The following TCF20 variants were observed in gnomAD, a reference collection of about 807,000 sequenced individuals.
TCF20 encodes the protein transcription factor 20, also known as SPRE-binding protein.
Under a neutral mutation model 148.6 loss-of-function variants are expected in TCF20, and 3 were observed. The observed-to-expected ratio is 0.02, with a 90% CI of 0.01 to 0.05. The LOEUF (loss-of-function observed/expected upper bound fraction) is 0.05. TCF20 is among the 10% of genes least tolerant of loss of function. The pLI, the probability that TCF20 is intolerant of heterozygous loss-of-function variation, is 1.00. For missense variants in TCF20, 2,350 were observed against 2,429.3 expected (o/e 0.97, Z 0.69); for synonymous variants, 1,049 against 909.5 (o/e 1.15, Z -2.76).
chr22:42,299,652 C>T lies in TCF20; in HGVS notation c.-37+43827G>A, dbSNP rs1377482882. 6.6e-6 allele frequency among the ~76,000 whole-genome samples: 1 copy of T among 152,178 alleles called. No individual in the cohort carries two copies. The highest frequency in any genetic ancestry group is 1.5e-5 in the Non-Finnish European group (1 of 68,038). ...CTCTGTACCTCTCCCCGAACGCAGGCCCCCCTGCCCGCACCCCAACACTTC... is the reference window on the plus strand; with the variant it reads ...CTCTGTACCTCTCCCCGAACGCAGGTCCCCCTGCCCGCACCCCAACACTTC... On this transcript the variant is annotated intron_variant, in intron 1 of 1. Coordinates refer to the TCF20 transcript ENST00000515426. This position sits in a 1 kb window ranked among gnomAD's most constrained non-coding sequence, Gnocchi z 4.1.
chr22:42,168,592 C>T lies in TCF20; in HGVS notation c.*44+17G>A, dbSNP rs550071326. 1.5e-4 allele frequency: 232 copies of T among 1,548,218 alleles called. No homozygotes were observed. In the African/African-American group the frequency reaches 1.7e-3, roughly 11 times the overall value. On this transcript the variant is annotated intron_variant, in intron 5 of 5. Coordinates refer to ENST00000677622, the MANE Select transcript of TCF20 (RefSeq NM_001378418.1). The stretch of plus-strand genomic sequence containing the variant: ...GGAGCCGGGCAGGATGCAGGGAGCC[C>T]GGTGGCCCCGACTCACCTGTGCTTG...
At chr22:42,284,442 C>T (rs1330928078), upstream of TCF20, among the ~76,000 whole-genome samples, 1 of 152,148 alleles carries the variant, frequency 6.6e-6, no homozygotes, top group African/African-American at 2.4e-5. Flanking sequence ...GTGGTCGTCA[C>T]GAGGACCAGA....
At chr22:42,324,972 G>A (rs767820375) in intron 1 of TCF20, among the ~76,000 whole-genome samples, 3 of 152,236 alleles carry the variant, frequency 2.0e-5, no homozygotes, top group Non-Finnish European at 2.9e-5. Flanking sequence ...CCAAAACTGG[G>A]TTCTCCCCTT....
chr22:42,194,967 A>G (rs6002651), intron 2 of TCF20, among the ~76,000 whole-genome samples: 143 of 151,782 alleles, frequency 9.4e-4, no homozygotes, highest in African/African-American at 3.4e-3. Context: ...CTCACTGAAC[A>G]TAAGGTGGGG....
At chr22:42,332,378 G>A (rs1322519607) in intron 1 of TCF20, among the ~76,000 whole-genome samples, 6 of 152,156 alleles carry the variant, frequency 3.9e-5, no homozygotes, top group Non-Finnish European at 5.9e-5. Context: ...GCTGGAGCAG[G>A]AACAGCCAGG....
At chr22:42,282,932 G>A (rs1194786966) in intron 1 of TCF20, among the ~76,000 whole-genome samples, 1 of 152,224 alleles carries the variant, frequency 6.6e-6, no homozygotes, top group African/African-American at 2.4e-5. Context: ...CTCCCTCCGT[G>A]GGTCTGGGCC....
chr22:42,206,645 T>A (rs1938407526), intron 2 of TCF20, among the ~76,000 whole-genome samples: 1 of 152,022 alleles, frequency 6.6e-6, no homozygotes, highest in Non-Finnish European at 1.5e-5. Flanking sequence ...AAACTTGGAG[T>A]TTCACCGTGA....
intron 1 of TCF20, among the ~76,000 whole-genome samples, chr22:42,260,599 C>G (rs888486783): frequency 6.6e-6 from 1 of 152,102 alleles, no homozygotes; most frequent in Non-Finnish European, 1.5e-5. Context: ...ATACGCCCAC[C>G]TCAGCCTCCC....
intron 1 of TCF20, among the ~76,000 whole-genome samples, chr22:42,316,715 C>A (rs553378421): frequency 5.3e-5 from 8 of 152,214 alleles, no homozygotes; most frequent in African/African-American, 1.9e-4. Context: ...GGATTACACG[C>A]GTGAGCCACT....
chr22:42,175,243 C>A (rs947199481), intron 3 of TCF20, among the ~76,000 whole-genome samples: 2 of 152,146 alleles, frequency 1.3e-5, no homozygotes, highest in Non-Finnish European at 2.9e-5. Flanking sequence ...GTTATCCAGG[C>A]TGAACTTGAA....
upstream of TCF20, among the ~76,000 whole-genome samples, chr22:42,275,540 C>G (rs1298730046): frequency 6.6e-6 from 1 of 152,226 alleles, no homozygotes; most frequent in African/African-American, 2.4e-5. Flanking sequence ...TTTAAATCAT[C>G]CAATTTCTTC....
In TCF20 at chr22:42,213,677, G is replaced by A. The variant is rs146541540; in HGVS notation, c.1629C>T (p.Ser543=). The change falls in exon 2 of 6, where the codon AGC becomes AGT. Residue 543 remains serine (S), a synonymous_variant. Transcript: ENST00000677622. ...CTCCACCCTTGTAGGTGGTGTCAGA[G>A]CTGGTGCTCTGGCCACTTAGTTGCC... ...RVRQLSGQST[S]SDTTYKGGAS... 2.9e-5 allele frequency: 47 copies of A among 1,613,972 alleles called. No homozygotes were observed. The highest frequency in any genetic ancestry group is 3.8e-5 in the Non-Finnish European group (45 of 1,179,970).
chr22:42,220,249 G>A (rs765210907), intron 1 of TCF20, among the ~76,000 whole-genome samples: 1 of 152,030 alleles, frequency 6.6e-6, no homozygotes, highest in Non-Finnish European at 1.5e-5. Flanking sequence ...GGCTCACTGC[G>A]GCCTCAACTC....
At chr22:42,288,164 G>A (rs961186893), upstream of TCF20, among the ~76,000 whole-genome samples, 3 of 152,178 alleles carry the variant, frequency 2.0e-5, no homozygotes, top group Non-Finnish European at 4.4e-5. Flanking sequence ...GGAGGCCAAC[G>A]TGGGTGAATT....
At chr22:42,335,870 C>T (rs1285821380) in intron 1 of TCF20, among the ~76,000 whole-genome samples, 2 of 152,156 alleles carry the variant, frequency 1.3e-5, no homozygotes, top group Non-Finnish European at 2.9e-5. Context: ...AAACCAGCAA[C>T]GAGCCTGGCC....
intron 1 of TCF20, among the ~76,000 whole-genome samples, chr22:42,263,066 G>A (rs549197415): frequency 6.6e-6 from 1 of 152,026 alleles, no homozygotes; most frequent in African/African-American, 2.4e-5. Context: ...TCCTATTTTA[G>A]TGCCTTCCCC....
intron 3 of TCF20, among the ~76,000 whole-genome samples, chr22:42,170,771 A>G (rs1936089439): frequency 1.3e-5 from 2 of 152,134 alleles, no homozygotes; most frequent in African/African-American, 4.8e-5. Flanking sequence ...ATGCTATTTT[A>G]AAAATCCTTG....
At chr22:42,241,974 G>A (rs1044366056) in intron 1 of TCF20, among the ~76,000 whole-genome samples, 6 of 152,050 alleles carry the variant, frequency 3.9e-5, no homozygotes, top group South Asian at 2.1e-4. Context: ...AGGCTTAGGC[G>A]GGCAGATCAG....
In TCF20 at chr22:42,200,232, T is replaced by C. The variant is rs962833613; in HGVS notation, c.5655+9419A>G. On this transcript the variant is annotated intron_variant, in intron 2 of 5. Transcript: ENST00000677622. ...TTTTCTTCAACCCTTCTTTCTGTTA[T>C]TGGTATGTTGATGACCCCTCACCTC... Among the ~76,000 whole-genome samples the C allele has an allele frequency of 3.9e-5, 6 of 152,316 alleles. No individual in the cohort carries two copies. In the East Asian group the frequency reaches 1.2e-3, roughly 29 times the overall value.
Sources: gnomAD v4.1 joint callset for allele counts (sites outside exome capture counted in the v4.1 genomes callset) on GRCh38, gnomAD v4.1.1 for gene constraint, Gnocchi (gnomAD v3.1) non-coding constraint, MANE v1.5 for transcripts, NCBI Gene and HGNC (gene_info 2026-07-23, HGNC 2026-07-21) for gene names.